The following PPL variants were observed in gnomAD, a reference collection of about 807,000 sequenced individuals.
The protein encoded by PPL is 190 kDa paraneoplastic pemphigus antigen.
In PPL, 198 loss-of-function variants were observed where a neutral mutation model predicts 194.4. That is an observed-to-expected ratio of 1.02 (90% CI 0.91 to 1.15). PPL has a LOEUF of 1.15. Among genes scored for constraint, PPL ranks in the 50% most tolerant of loss-of-function variants. The pLI is 0.00. For missense variants in PPL, 2,885 were observed against 2,294.8 expected (o/e 1.26, Z -5.25); for synonymous variants, 1,220 against 972.4 (o/e 1.25, Z -4.74).
chr16:4,934,784 A>T (rs947257827), intron 1 of PPL, among the ~76,000 whole-genome samples: 2 of 152,086 alleles, frequency 1.3e-5, no homozygotes, highest in African/African-American at 2.4e-5. Context: ...CTGGCTGGGC[A>T]TCAGGCAATG....
rs1427686814 is a variant in PPL, at chr16:4,895,619, A to G, written c.1070T>C (p.Ile357Thr). The change falls in exon 10 of 22, where the codon ATT becomes ACT. Residue 357 changes from isoleucine (I) to threonine (T), a missense_variant. Physicochemically the swap from Ile to Thr is moderately conservative, Grantham distance 89. Transcript: ENST00000345988. ...YGPDFKDRYQ[I>T]ELLLRELDDQ... Reference sequence around the variant, plus strand: ...ATCCAGCTCCCGCAGCAGCAGCTCAATCTGGTACCGGTCCTTGAAGTCAGG... The same window carrying G: ...ATCCAGCTCCCGCAGCAGCAGCTCAGTCTGGTACCGGTCCTTGAAGTCAGG... 10 of 1,613,860 alleles carry G rather than the reference A, an allele frequency of 6.2e-6. No homozygotes were observed. Among genetic ancestry groups the G allele is most frequent in the East Asian group, 2.2e-5 (1 of 44,884 alleles).
rs2088136115 is a variant in PPL, at chr16:4,883,326, C to T, written c.*58G>A. ...AGGGAGAGGACGACACCAAGGAGGT[C>T]ACTGCGTCGTAGGAGAGGGCCAGCG... On this transcript the variant is annotated 3_prime_UTR_variant, in exon 22 of 22. Coordinates refer to ENST00000345988, the MANE Select transcript of PPL (RefSeq NM_002705.5). This position sits in a 1 kb window ranked among gnomAD's most constrained non-coding sequence, Gnocchi z 4.8. The T allele has an allele frequency of 6.2e-7, 1 of 1,604,392 alleles. No individual in the cohort carries two copies. The highest frequency in any genetic ancestry group is 2.2e-5 in the East Asian group (1 of 44,854).
chr16:4,909,022 C>A (rs2088762748), intron 2 of PPL, among the ~76,000 whole-genome samples: 1 of 152,188 alleles, frequency 6.6e-6, no homozygotes, highest in African/African-American at 2.4e-5. Flanking sequence ...CTGCAAATGA[C>A]AAGGGGAGCT....
chr16:4,899,276 A>C lies in PPL; in HGVS notation c.715T>G (p.Tyr239Asp), dbSNP rs1471691852. The C allele has an allele frequency of 1.2e-6, 2 of 1,613,682 alleles. No individual in the cohort carries two copies. The highest frequency in any genetic ancestry group is 1.7e-6 in the Non-Finnish European group (2 of 1,179,984). The change falls in exon 7 of 22, where the codon TAC becomes GAC. Residue 239 changes from tyrosine to aspartate, a missense_variant. Tyr to Asp is a radical substitution (Grantham distance 160). Transcript: ENST00000345988. ...TCGAGGTTGCGGTCACTCCAGTCGT[A>C]CTGCATGCGGCCCTTGGCCTGCTGG... ...LDQQAKGRMQYDWSDRNLDYP... is the reference protein window; with the variant it reads ...LDQQAKGRMQDDWSDRNLDYP...
rs778370272 is a variant in PPL, at chr16:4,895,230, T to C, written c.1242+31A>G. ...CCATGTTACCCCAAAAACTTTGTAG[T>C]GATGTGAACAGAGGAGCTGGCCCCA... On this transcript the variant is annotated intron_variant, in intron 11 of 21. Transcript: ENST00000345988. 2.6e-6 allele frequency: 4 copies of C among 1,565,590 alleles called. 1 individual carries two copies. The South Asian group carries it at 3.4e-5, about 13-fold the overall frequency.
At chr16:4,892,458 G>A (rs540059217) in intron 14 of PPL, among the ~76,000 whole-genome samples, 9 of 152,332 alleles carry the variant, frequency 5.9e-5, no homozygotes, top group Admixed American at 1.3e-4. Flanking sequence ...GGCAGCTGCC[G>A]GGCCTGTGCT....
chr16:4,883,885 C>A lies in PPL; in HGVS notation c.4770G>T (p.Ala1590=), dbSNP rs756172286. The change falls in exon 22 of 22, where the codon GCG becomes GCT. Residue 1590 remains alanine (A), a synonymous_variant. Transcript: ENST00000345988. This position sits in a 1 kb window ranked among gnomAD's most constrained non-coding sequence, Gnocchi z 4.8. ...RRLQSEINMA[A]TETRDLRNMT... ...TGTTCCGCAGGTCTCGTGTTTCCGTCGCTGCCATGTTGATTTCCGATTGGA... is the reference window on the plus strand; with the variant it reads ...TGTTCCGCAGGTCTCGTGTTTCCGTAGCTGCCATGTTGATTTCCGATTGGA... 4 of 1,613,848 alleles carry A rather than the reference C, an allele frequency of 2.5e-6. No individual in the cohort carries two copies. Among genetic ancestry groups the A allele is most frequent in the South Asian group, 2.2e-5 (2 of 91,086 alleles).
At chr16:4,898,799 G>A (rs2142358635) in intron 8 of PPL, among the ~76,000 whole-genome samples, 1 of 152,348 alleles carries the variant, frequency 6.6e-6, no homozygotes, top group Admixed American at 6.5e-5. Flanking sequence ...CCCCACAGGG[G>A]CTTCAGAAGT....
intron 1 of PPL, among the ~76,000 whole-genome samples, chr16:4,934,254 C>A (rs1474380962): frequency 1.3e-5 from 2 of 152,028 alleles, no homozygotes; most frequent in Non-Finnish European, 2.9e-5. Flanking sequence ...CCCGGCCCTC[C>A]CCAGCTTCAG....
chr16:4,898,570 C>T (rs2088479824), intron 8 of PPL, among the ~76,000 whole-genome samples: 1 of 152,048 alleles, frequency 6.6e-6, no homozygotes. Context: ...GAGGAAGGGA[C>T]TGGAATGATG....
chr16:4,927,381 T>A (rs2089173032), intron 1 of PPL, among the ~76,000 whole-genome samples: 1 of 152,238 alleles, frequency 6.6e-6, no homozygotes, highest in Non-Finnish European at 1.5e-5. Context: ...GAATGATGTC[T>A]GGACCCATGT....
Position 4,884,967 on chromosome 16 carries a change from C to G in PPL, c.3688G>C (p.Glu1230Gln), listed in dbSNP as rs779671747. The stretch of plus-strand genomic sequence containing the variant: ...TACTTAATGACTTCCTTAGTCACCT[C>G]TTTGACTTCCACCTGGGGGCCTCGC... The part of the protein sequence containing the change: ...RRRGPQVEVK[E>Q]VTKEVIKYKT... The change falls in exon 22 of 22, where the codon GAG (glutamate) becomes CAG (glutamine). Residue 1230 changes from glutamate to glutamine, a missense_variant. Glu to Gln is a conservative substitution (Grantham distance 29). Coordinates refer to ENST00000345988, the MANE Select transcript of PPL (RefSeq NM_002705.5). The surrounding 1 kb of genome is among the most constrained non-coding windows in gnomAD (Gnocchi z 5.7). 5.6e-6 allele frequency: 9 copies of G among 1,614,040 alleles called. No individual in the cohort carries two copies. The African/African-American group carries it at 1.2e-4, about 22-fold the overall frequency.
chr16:4,900,679 C>T (rs1255101613), intron 6 of PPL, 151 bp downstream of exon 6: 1 of 1,041,722 alleles, frequency 9.6e-7, no homozygotes, highest in Non-Finnish European at 1.4e-6. Flanking sequence ...CTCAAGTGAT[C>T]CTCCTGCCTC....
chr16:4,887,071 C>T lies in PPL; in HGVS notation c.2607+64G>A, dbSNP rs777262226. ...CAATTCACAAACCATTTCTCTAAGA[C>T]AGAGTCTGTATTTGTCACCTGTTAG... is the stretch of plus-strand genomic sequence containing the variant. On this transcript the variant is annotated intron_variant, in intron 21 of 21. Transcript: ENST00000345988. 174 of 1,313,142 alleles carry T rather than the reference C, an allele frequency of 1.3e-4. 1 individual carries two copies. Among genetic ancestry groups the T allele is most frequent in the Middle Eastern group, 1.3e-3 (7 of 5,494 alleles). 81.3% of individuals were successfully genotyped at this position (1,313,142 alleles called of 1,614,324 possible).
intron 8 of PPL, among the ~76,000 whole-genome samples, chr16:4,898,055 C>T (rs2088469024): frequency 6.6e-6 from 1 of 152,234 alleles, no homozygotes. Context: ...TACAAAGGCA[C>T]TGTCATGGAC....
chr16:4,931,299 G>T (rs2089222274), intron 1 of PPL, among the ~76,000 whole-genome samples: 1 of 152,190 alleles, frequency 6.6e-6, no homozygotes, highest in African/African-American at 2.4e-5. Context: ...AGCAGTTCAA[G>T]GCTACAGTGA....
At chr16:4,927,770 C>T (rs1003148573) in intron 1 of PPL, among the ~76,000 whole-genome samples, 1 of 152,186 alleles carries the variant, frequency 6.6e-6, no homozygotes, top group African/African-American at 2.4e-5. Context: ...CTGTTTCTGC[C>T]CAGGGAAGGC....
intron 1 of PPL, among the ~76,000 whole-genome samples, chr16:4,929,013 TAAAAAAA>T (rs1167603474): frequency 0.022 from 376 of 17,100 alleles, 1 homozygote; most frequent in Non-Finnish European, 0.037. Flanking sequence ...AACTCTACCT[TAAAAAAA>T]AAAAAAAAAA....
chr16:4,899,703 T>C (rs1162105022), intron 6 of PPL, among the ~76,000 whole-genome samples: 3 of 152,218 alleles, frequency 2.0e-5, no homozygotes, highest in Admixed American at 2.0e-4. Flanking sequence ...CTGACATTTT[T>C]GTGAAGGCTT....
Sources: allele counts gnomAD v4.1 joint callset (sites outside exome capture counted in the v4.1 genomes callset), GRCh38; gene constraint gnomAD v4.1.1; non-coding constraint Gnocchi (gnomAD v3.1); transcripts MANE v1.5; gene names NCBI Gene and HGNC (gene_info 2026-07-23, HGNC 2026-07-21).